Variants in ROBO2 observed in about 807,000 individuals in gnomAD.
ROBO2 encodes roundabout homolog 2.
ROBO2 carries 53 observed loss-of-function variants against 160.8 expected under a neutral mutation model. That is an observed-to-expected ratio of 0.33 (90% confidence interval 0.26 to 0.41). ROBO2 has a LOEUF of 0.41. Among genes scored for constraint, ROBO2 ranks in the 10% least tolerant of loss-of-function variants. The pLI is 1.00. For synonymous variants in ROBO2, 664 were observed against 611.7 expected (o/e 1.09, Z -1.26); for missense variants, 1,577 against 1,722.4 (o/e 0.92, Z 1.49).
At chr3:76,878,781 A>C (rs1267083273) in intron 2 of ROBO2, among the ~76,000 whole-genome samples, 4 of 152,296 alleles carry the variant, frequency 2.6e-5, no homozygotes, top group Middle Eastern at 3.4e-3. Context: ...TAGAGCTGTA[A>C]GTGAAACAAG....
intron 2 of ROBO2, among the ~76,000 whole-genome samples, chr3:76,834,215 T>A (rs1024339879): frequency 6.9e-6 from 1 of 144,210 alleles, no homozygotes; most frequent in Middle Eastern, 3.2e-3. Context: ...CTTTCTTGTT[T>A]TTTTCTTGAG....
At chr3:77,237,183 C>CTTTTTTTTTTTTT (rs34992972) in intron 2 of ROBO2, among the ~76,000 whole-genome samples, 1 of 107,114 alleles carries the variant, frequency 9.3e-6, no homozygotes, top group Non-Finnish European at 1.8e-5. Flanking sequence ...CTTGACCTTT[C>CTTTTTTTTTTTTT]TTTTTTTTTT....
intron 2 of ROBO2, among the ~76,000 whole-genome samples, chr3:77,315,696 G>A (rs1021325348): frequency 7.9e-5 from 12 of 152,016 alleles, no homozygotes; most frequent in Admixed American, 3.9e-4. Context: ...CCTTCCCTAC[G>A]TAATTGGCTA....
intron 2 of ROBO2, among the ~76,000 whole-genome samples, chr3:76,979,221 G>T (rs1182223490): frequency 2.0e-5 from 3 of 152,072 alleles, no homozygotes; most frequent in African/African-American, 7.2e-5. Context: ...TGGAATTACA[G>T]GTGTGAGCTA....
At chr3:76,523,978 G>GTGTGTGTA (rs1345534544) in intron 2 of ROBO2, among the ~76,000 whole-genome samples, 1 of 121,082 alleles carries the variant, frequency 8.3e-6, no homozygotes, top group East Asian at 2.1e-4. Flanking sequence ...TGCTGTGTGT[G>GTGTGTGTA]TGTGTGTATG....
chr3:77,040,368 G>T (rs1300046693), exon 1 of ROBO2: 2 of 1,004,472 alleles, frequency 2.0e-6, no homozygotes, highest in African/African-American at 3.5e-5. Flanking sequence ...TTTCGGCAGC[G>T]CGCTGGCAAG....
At chr3:77,371,943 C>T (rs2071815065) in intron 2 of ROBO2, among the ~76,000 whole-genome samples, 1 of 152,152 alleles carries the variant, frequency 6.6e-6, no homozygotes, top group Non-Finnish European at 1.5e-5. Context: ...CCAATAATTA[C>T]AGGTGATTAA....
At chr3:76,535,450 A>T (rs1365761809) in intron 2 of ROBO2, among the ~76,000 whole-genome samples, 1 of 152,048 alleles carries the variant, frequency 6.6e-6, no homozygotes. Context: ...TAAGGGGTAC[A>T]TGATCAGTTG....
rs567356131 is a variant in ROBO2, at chr3:76,951,541, G to A, written c.110-146473G>A. Among the ~76,000 whole-genome samples, 98 of 152,238 alleles carry A rather than the reference G, an allele frequency of 6.4e-4. 1 individual carries two copies. Among genetic ancestry groups the A allele is most frequent in the Non-Finnish European group, 1.2e-3 (79 of 68,018 alleles). ...TGTGTGTGTTTATTTATAGATTTACGTAAAGTTGAAAGAGAAAAAAGAAAT... is the reference window on the plus strand; with the variant it reads ...TGTGTGTGTTTATTTATAGATTTACATAAAGTTGAAAGAGAAAAAAGAAAT... On this transcript the variant is annotated intron_variant, in intron 2 of 26. Coordinates refer to the ROBO2 transcript ENST00000487694.
intron 2 of ROBO2, among the ~76,000 whole-genome samples, chr3:76,409,134 A>G (rs1467531317): frequency 6.6e-6 from 1 of 152,072 alleles, no homozygotes; most frequent in East Asian, 1.9e-4. Context: ...TCATTGCTAT[A>G]CACAAAACTA....
At chr3:77,368,427 G>T (rs1241807694) in intron 2 of ROBO2, among the ~76,000 whole-genome samples, 1 of 152,048 alleles carries the variant, frequency 6.6e-6, no homozygotes, top group Non-Finnish European at 1.5e-5. Flanking sequence ...TCATGTCTGT[G>T]ACATGAAGTT....
intron 2 of ROBO2, among the ~76,000 whole-genome samples, chr3:76,932,683 T>G (rs1306286754): frequency 1.3e-5 from 2 of 152,152 alleles, no homozygotes; most frequent in Non-Finnish European, 2.9e-5. Context: ...GAGAACTACC[T>G]ACACAAAAAT....
intron 2 of ROBO2, among the ~76,000 whole-genome samples, chr3:76,939,621 G>T (rs189830405): frequency 6.6e-6 from 1 of 152,068 alleles, no homozygotes; most frequent in Admixed American, 6.6e-5. Flanking sequence ...TCTATTAAAA[G>T]AATGTACAAA....
In ROBO2 at chr3:76,246,575, C is replaced by T. The variant is rs961898309; in HGVS notation, c.109+308973C>T. ...GTAGGTTTATGCATTTAAATAATAT[C>T]AAGTCACGTTCAGGGAATAGGCCAC... On this transcript the variant is annotated intron_variant, in intron 2 of 26. Transcript: ENST00000487694. Among the ~76,000 whole-genome samples, 10 of 152,160 alleles carry T rather than the reference C, an allele frequency of 6.6e-5. No individual in the cohort carries two copies. The East Asian group carries it at 1.9e-3, about 29-fold the overall frequency.
chr3:76,816,064 G>T (rs1165446547), intron 2 of ROBO2, among the ~76,000 whole-genome samples: 1 of 152,032 alleles, frequency 6.6e-6, no homozygotes, highest in Non-Finnish European at 1.5e-5. Context: ...CTTTCTGACT[G>T]ACTGGATAAC....
At chr3:77,195,184 C>T (rs2150971146) in intron 2 of ROBO2, among the ~76,000 whole-genome samples, 1 of 152,010 alleles carries the variant, frequency 6.6e-6, no homozygotes. Flanking sequence ...TTCTTTTTTC[C>T]CCGTTAAATT....
At chr3:76,580,108 A>G (rs1379231378) in intron 2 of ROBO2, among the ~76,000 whole-genome samples, 3 of 152,256 alleles carry the variant, frequency 2.0e-5, no homozygotes, top group East Asian at 3.9e-4. Context: ...CTCCTGATTT[A>G]GGATATCAGT....
intron 2 of ROBO2, among the ~76,000 whole-genome samples, chr3:76,139,730 G>A (rs1220174252): frequency 6.6e-6 from 1 of 151,954 alleles, no homozygotes; most frequent in African/African-American, 2.4e-5. Flanking sequence ...AAAATATAAA[G>A]AGCCCCTGAA....
At chr3:76,674,991 A>G (rs1560353569) in intron 2 of ROBO2, among the ~76,000 whole-genome samples, 1 of 152,210 alleles carries the variant, frequency 6.6e-6, no homozygotes, top group Non-Finnish European at 1.5e-5. Context: ...AAAGCATAGT[A>G]GCTCCTTTGG....
Sources: allele counts gnomAD v4.1 joint callset (sites outside exome capture counted in the v4.1 genomes callset), GRCh38; gene constraint gnomAD v4.1.1; transcripts MANE v1.5; gene names NCBI Gene and HGNC (gene_info 2026-07-23, HGNC 2026-07-21).